The following DDX59 variants were observed in gnomAD, a reference collection of about 807,000 sequenced individuals.
The protein encoded by DDX59 is probable ATP-dependent RNA helicase DDX59.
A neutral mutation model predicts 51.9 loss-of-function variants in DDX59; 30 were observed. The observed-to-expected ratio is 0.58, with a 90% CI of 0.43 to 0.78. The LOEUF (loss-of-function observed/expected upper bound fraction) is 0.78. Among genes scored for constraint, DDX59 ranks in the 30% least tolerant of loss-of-function variants. The pLI is 0.00. For synonymous variants in DDX59, 255 were observed against 253.3 expected, an observed-to-expected ratio of 1.01 and a Z score of -0.06; for missense variants, 672 against 730.8, an observed-to-expected ratio of 0.92 and a Z score of 0.93.
At chr1:200,652,972 C>G (rs1661765363) in intron 4 of DDX59, among the ~76,000 whole-genome samples, 1 of 152,122 alleles carries the variant, frequency 6.6e-6, no homozygotes, top group African/African-American at 2.4e-5. Context: ...GGCGTGGGCC[C>G]CTGCACCCAG....
chr1:200,669,467 G>GGCGCGGCCTCCAATTCTCGCCA (rs1421389712), intron 1 of DDX59: 1 of 152,566 alleles, frequency 6.6e-6, no homozygotes, highest in Non-Finnish European at 1.5e-5. Flanking sequence ...GGCTGGCGGC[G>GGCGCGGCCTCCAATTCTCGCCA]GCGCGGCCTC....
chr1:200,647,801 G>A (rs1357267246), intron 7 of DDX59, among the ~76,000 whole-genome samples: 2 of 151,016 alleles, frequency 1.3e-5, no homozygotes, highest in Non-Finnish European at 3.0e-5. Context: ...GTGAAACCCC[G>A]TCTCTACTAA....
At chr1:200,667,877 C>T (rs1294645851) in intron 1 of DDX59, among the ~76,000 whole-genome samples, 1 of 151,506 alleles carries the variant, frequency 6.6e-6, no homozygotes, top group Admixed American at 6.6e-5. Flanking sequence ...ATACACAAGA[C>T]TAATATACAT....
Position 200,650,553 on chromosome 1 carries a change from T to C in DDX59, c.1186A>G (p.Ser396Gly). 2 of 1,614,136 alleles carry C rather than the reference T, an allele frequency of 1.2e-6. No homozygotes were observed. The highest frequency in any genetic ancestry group is 1.7e-6 in the Non-Finnish European group (2 of 1,179,992). The change falls in exon 5 of 8, where the codon AGC (serine) becomes GGC (glycine). Residue 396 changes from serine (S) to glycine (G), a missense_variant. Transcript: ENST00000331314. The part of the protein sequence containing the change: ...TIPTSIEQLA[S>G]QLLHNPVRII... The stretch of plus-strand genomic sequence containing the variant: ...CTCACAGGATTATGCAGAAGCTGGC[T>C]TGCTAGCTGTTCTATGCTAGTTGGA...
Position 200,665,940 on chromosome 1 carries a change from G to A in DDX59, c.801C>T (p.Phe267=), listed in dbSNP as rs760576400. 3.6e-5 allele frequency: 58 copies of A among 1,599,434 alleles called. No homozygotes were observed. The highest frequency in any genetic ancestry group is 5.2e-5 in the Admixed American group (3 of 57,486). Residue 267 remains phenylalanine, a synonymous_variant, in exon 2 of 8, where the codon TTC becomes TTT. Coordinates refer to ENST00000331314, the MANE Select transcript of DDX59 (RefSeq NM_001031725.6). ...GAACTCTATTATTAACACTTACCTC[G>A]AATAAAGCTCGCATGATAACAGGAA... ...FLLPVIMRAL[F]ESKTPSALIL...
chr1:200,665,845 T>C lies in DDX59; in HGVS notation c.804+92A>G, dbSNP rs1468958703. 4 of 1,355,282 alleles carry C rather than the reference T, an allele frequency of 3.0e-6. No homozygotes were observed. In the East Asian group the frequency reaches 9.8e-5, roughly 33 times the overall value. 84.0% of individuals were successfully genotyped at this position (1,355,282 alleles called of 1,614,324 possible). A position where few individuals can be genotyped will look rare whatever the true frequency, so the allele number is the denominator to read the frequency against. On this transcript the variant is annotated intron_variant, in intron 2 of 7. Coordinates refer to ENST00000331314, the MANE Select transcript of DDX59 (RefSeq NM_001031725.6). ...TAAAATTCCAAATATTTAGTTTTAG[T>C]CTGCAATTTTAATATAGTTAAAAAT...
chr1:200,666,751 T>C lies in DDX59; in HGVS notation c.-11A>G. ...TCTTGGAACAAACATCCTTCAATAT[T>C]CTGTTAAGGAAATTATATAATGAGA... is the stretch of plus-strand genomic sequence containing the variant. On this transcript the variant is annotated splice_region_variant and 5_prime_UTR_variant, in exon 2 of 8. Coordinates refer to ENST00000331314, the MANE Select transcript of DDX59 (RefSeq NM_001031725.6). 6.3e-7 allele frequency: 1 copy of C among 1,598,432 alleles called. No homozygotes were observed.
chr1:200,650,507 T>C lies in DDX59; in HGVS notation c.1232A>G (p.Asn411Ser), dbSNP rs146518838. 1.2e-5 allele frequency: 20 copies of C among 1,614,082 alleles called. No individual in the cohort carries two copies. Among genetic ancestry groups the C allele is most frequent in the Middle Eastern group, 3.3e-4 (2 of 6,060 alleles). Residue 411 changes from asparagine (N) to serine (S), a missense_variant, in exon 5 of 8, where the codon AAC becomes AGC. Asn to Ser is a conservative substitution (Grantham distance 46). Coordinates refer to ENST00000331314, the MANE Select transcript of DDX59 (RefSeq NM_001031725.6). ...CTGACGTACATTGGCACAAGGTAGG[T>C]TCTTTTCTCCAGTGATAATTCTCAC... ...NPVRIITGEK[N>S]LPCANVRQII... is the part of the protein sequence containing the mutation.
rs889958496 is a variant in DDX59, at chr1:200,661,394, G to A, written c.973-2278C>T. ...CCCAAAATATTTACTAAACTCAAAG[G>A]GGAAAAAAATAAACTTGACAATTAC... On this transcript the variant is annotated intron_variant, in intron 3 of 7. Coordinates refer to ENST00000331314, the MANE Select transcript of DDX59 (RefSeq NM_001031725.6). Among the ~76,000 whole-genome samples, 5 of 151,930 alleles carry A rather than the reference G, an allele frequency of 3.3e-5. 1 individual carries two copies. Among genetic ancestry groups the A allele is most frequent in the Admixed American group, 2.0e-4 (3 of 15,256 alleles).
chr1:200,655,524 T>C (rs1481372162), intron 4 of DDX59, among the ~76,000 whole-genome samples: 1 of 152,214 alleles, frequency 6.6e-6, no homozygotes, highest in African/African-American at 2.4e-5. Flanking sequence ...AGGCCCTCTA[T>C]AATTTGGCCC....
intron 2 of DDX59, 56 bp downstream of exon 2, chr1:200,665,881 A>C: frequency 1.3e-6 from 2 of 1,499,790 alleles, no homozygotes; most frequent in South Asian, 2.8e-5. Flanking sequence ...GAAACTTGGT[A>C]AATACCTCAC....
At chr1:200,641,209 T>A (rs1661038068), downstream of DDX59, 1 of 1,304,728 alleles carries the variant, frequency 7.7e-7, no homozygotes, top group Admixed American at 2.3e-5. Context: ...CAATAAGAGA[T>A]GCGTTGATAT....
At chr1:200,646,668 G>T (rs889459857) in intron 7 of DDX59, among the ~76,000 whole-genome samples, 2 of 152,200 alleles carry the variant, frequency 1.3e-5, no homozygotes, top group African/African-American at 4.8e-5. Context: ...GTAAAATGGT[G>T]ACGCCATGTT....
chr1:200,651,935 G>A (rs1386828242), intron 4 of DDX59, among the ~76,000 whole-genome samples: 2 of 149,118 alleles, frequency 1.3e-5, no homozygotes, highest in Non-Finnish European at 3.0e-5. Context: ...GTGAACCCGA[G>A]AGGCGGAGCT....
chr1:200,655,550 A>G (rs763118581), intron 4 of DDX59, among the ~76,000 whole-genome samples: 7 of 151,920 alleles, frequency 4.6e-5, no homozygotes, highest in Non-Finnish European at 1.0e-4. Context: ...TAACAACCCA[A>G]TTTTACCTCC....
Position 200,666,707 on chromosome 1 carries a change from T to G in DDX59, c.34A>C (p.Asn12His), listed in dbSNP as rs1157771593. Reference sequence around the variant, plus strand: ...CAACTTTTGCCATCATCATTAGCATTCCTCTTGATTTTTAGAGATCTTGGA... The same window carrying G: ...CAACTTTTGCCATCATCATTAGCATGCCTCTTGATTTTTAGAGATCTTGGA... ...FVPRSLKIKR[N>H]ANDDGKSCVA... The change falls in exon 2 of 8, where the codon AAT (asparagine) becomes CAT (histidine). Residue 12 changes from asparagine to histidine, a missense_variant. Transcript: ENST00000331314. The G allele has an allele frequency of 4.3e-6, 7 of 1,612,008 alleles. No homozygotes were observed. The highest frequency in any genetic ancestry group is 4.2e-6 in the Non-Finnish European group (5 of 1,178,462).
chr1:200,659,156 T>C (rs367674595), intron 3 of DDX59, 40 bp from the exon 4 acceptor site: 2 of 1,475,354 alleles, frequency 1.4e-6, no homozygotes, highest in Admixed American at 1.7e-5. Flanking sequence ...AAATCAGTAA[T>C]AGCTATTTTC....
intron 2 of DDX59, among the ~76,000 whole-genome samples, chr1:200,665,201 A>G (rs998582669): frequency 6.6e-6 from 1 of 152,190 alleles, no homozygotes; most frequent in African/African-American, 2.4e-5. Context: ...CATGCCTGCA[A>G]TCCCAGCACT....
At chr1:200,648,747 A>G (rs564897869) in intron 6 of DDX59, among the ~76,000 whole-genome samples, 180 bp from the exon 7 acceptor site, 1 of 152,304 alleles carries the variant, frequency 6.6e-6, no homozygotes, top group South Asian at 2.1e-4. Context: ...CCCAATCCCC[A>G]TGGAATTTAT....
Sources: allele counts gnomAD v4.1 joint callset (sites outside exome capture counted in the v4.1 genomes callset), GRCh38; gene constraint gnomAD v4.1.1; transcripts MANE v1.5; gene names NCBI Gene and HGNC (gene_info 2026-07-23, HGNC 2026-07-21).